The following PLCH1 variants were observed in gnomAD, a reference collection of about 807,000 sequenced individuals.
PLCH1 encodes phospholipase C eta 1.
A neutral mutation model predicts 126.7 loss-of-function variants in PLCH1; 60 were observed. The observed-to-expected ratio is 0.47, with a 90% CI of 0.38 to 0.59. The LOEUF is 0.59. Among genes scored for constraint, PLCH1 ranks in the 20% least tolerant of loss-of-function variants. The pLI is 0.00. For missense variants in PLCH1, 1,723 were observed against 2,040.0 expected, an observed-to-expected ratio of 0.84 and a Z score of 2.99; for synonymous variants, 719 against 734.9, an observed-to-expected ratio of 0.98 and a Z score of 0.35.
At chr3:155,689,489 G>T (rs1242185786) in intron 2 of PLCH1, among the ~76,000 whole-genome samples, 1 of 152,116 alleles carries the variant, frequency 6.6e-6, no homozygotes, top group Non-Finnish European at 1.5e-5. Flanking sequence ...TTCACATAGA[G>T]AATTCAAAAT....
At chr3:155,600,602 T>TAAAA (rs5853725) in intron 2 of PLCH1, among the ~76,000 whole-genome samples, 43 of 128,246 alleles carry the variant, frequency 3.4e-4, no homozygotes, top group African/African-American at 1.3e-3. Flanking sequence ...TTAAGATAGC[T>TAAAA]AAAAAAAAAA....
At chr3:155,709,360 T>A (rs567948995) in intron 1 of PLCH1, among the ~76,000 whole-genome samples, 1 of 152,242 alleles carries the variant, frequency 6.6e-6, no homozygotes, top group African/African-American at 2.4e-5. Context: ...AGCCAAGCTA[T>A]CTTCTAAAGT....
chr3:155,586,135 T>C lies in PLCH1; in HGVS notation c.530A>G (p.Glu177Gly). The change falls in exon 5 of 23, where the codon GAA (glutamate) becomes GGA (glycine). Residue 177 changes from glutamate to glycine, a missense_variant. This residue lies in a region of PLCH1 where 776 missense variants were observed against 1,062.9 expected (regional missense o/e 0.73). Coordinates refer to ENST00000460012, the MANE Select transcript of PLCH1 (RefSeq NM_014996.4). ...DKNGDGLLNI[E>G]EIHQLMHKLN... ...TTTATGCATCAGCTGATGTATCTCT[T>C]CAATATTCAGCAAGCCGTCACCATT... is the stretch of plus-strand genomic sequence containing the variant. The C allele has an allele frequency of 6.2e-7, 1 of 1,613,586 alleles. No individual in the cohort carries two copies. The highest frequency in any genetic ancestry group is 8.5e-7 in the Non-Finnish European group (1 of 1,179,466).
intron 2 of PLCH1, among the ~76,000 whole-genome samples, chr3:155,688,802 C>T (rs566400489): frequency 1.3e-5 from 2 of 152,324 alleles, no homozygotes; most frequent in South Asian, 2.1e-4. Flanking sequence ...CAGAGAAAGG[C>T]TCCTCTGCCT....
intron 1 of PLCH1, among the ~76,000 whole-genome samples, 169 bp from the exon 2 acceptor site, chr3:155,704,433 T>C (rs1027280888): frequency 1.4e-4 from 22 of 152,146 alleles, no homozygotes; most frequent in Non-Finnish European, 2.6e-4. Flanking sequence ...TTCTCACAAG[T>C]CTTCCCAGGG....
At chr3:155,724,810 G>GTT (rs1553764572) in intron 1 of PLCH1, among the ~76,000 whole-genome samples, 5 of 115,638 alleles carry the variant, frequency 4.3e-5, no homozygotes, top group South Asian at 6.2e-4. Context: ...ACCTTGGGGG[G>GTT]TTTTGTGTGT....
downstream of PLCH1, among the ~76,000 whole-genome samples, chr3:155,479,550 C>T (rs573318487): frequency 1.3e-5 from 2 of 152,056 alleles, no homozygotes; most frequent in Admixed American, 1.3e-4. Flanking sequence ...CACGTAGCTC[C>T]CCCACCCACG....
At chr3:155,610,647 T>C (rs755799523) in intron 2 of PLCH1, among the ~76,000 whole-genome samples, 10 of 152,110 alleles carry the variant, frequency 6.6e-5, no homozygotes, top group Non-Finnish European at 1.2e-4. Flanking sequence ...ATAAAGTCTT[T>C]TTCAAACAAA....
chr3:155,610,364 G>GAAAA (rs569174791), intron 2 of PLCH1, among the ~76,000 whole-genome samples: 1,499 of 39,408 alleles, frequency 0.038, 116 homozygotes, highest in African/African-American at 0.076. Context: ...TGCGTCTGGA[G>GAAAA]AAAAAAAAAA....
chr3:155,736,403 A>G (rs1031358099), intron 1 of PLCH1, among the ~76,000 whole-genome samples: 28 of 152,256 alleles, frequency 1.8e-4, no homozygotes, highest in Non-Finnish European at 1.8e-4. Context: ...TGACATTCAC[A>G]TTCAGACAAG....
chr3:155,558,899 A>G (rs1727185883), intron 8 of PLCH1, among the ~76,000 whole-genome samples: 1 of 152,168 alleles, frequency 6.6e-6, no homozygotes, highest in Non-Finnish European at 1.5e-5. Context: ...CAGGACTGAC[A>G]GATATTGTTA....
chr3:155,461,382 C>T (rs1353466257), intron 21 of PLCH1, among the ~76,000 whole-genome samples: 3 of 152,276 alleles, frequency 2.0e-5, no homozygotes, highest in Non-Finnish European at 4.4e-5. Context: ...CTATGGTCCA[C>T]CATGTAACTG....
At chr3:155,526,208 C>T (rs781286420) in intron 10 of PLCH1, among the ~76,000 whole-genome samples, 1 of 152,068 alleles carries the variant, frequency 6.6e-6, no homozygotes. Context: ...GTATTCACAC[C>T]CTTCTGCAAT....
At chr3:155,617,728 A>G (rs565231972) in intron 2 of PLCH1, among the ~76,000 whole-genome samples, 3 of 152,342 alleles carry the variant, frequency 2.0e-5, no homozygotes, top group African/African-American at 7.2e-5. Context: ...ATTCTTTTAA[A>G]TAGAAACAGA....
At position 155,452,023 on chromosome 3, in the gene PLCH1, C is replaced by A. The variant is rs186516934; in HGVS notation, c.2938+33333G>T. Among the ~76,000 whole-genome samples, 540 of 152,280 alleles carry A rather than the reference C, an allele frequency of 3.5e-3. 5 individuals are homozygous for A. The highest frequency in any genetic ancestry group is 0.012 in the African/African-American group (478 of 41,558). On this transcript the variant is annotated intron_variant, in intron 21 of 21. Transcript: ENST00000494598. The stretch of plus-strand genomic sequence containing the variant: ...CCTCTCTCTCTGTCTCTCTCTCACA[C>A]ACACATACATTCTCTCTCTCTATCT...
chr3:155,471,031 T>C (rs1331563231), intron 21 of PLCH1, among the ~76,000 whole-genome samples: 1 of 148,714 alleles, frequency 6.7e-6, no homozygotes, highest in African/African-American at 2.5e-5. Flanking sequence ...ACGAGCAAAA[T>C]AACCAGCTAA....
At chr3:155,564,448 C>T (rs1463832039) in intron 8 of PLCH1, among the ~76,000 whole-genome samples, 1 of 151,986 alleles carries the variant, frequency 6.6e-6, no homozygotes, top group Admixed American at 6.6e-5. Flanking sequence ...ACCTGTAATC[C>T]CAGCTACTTG....
chr3:155,563,752 C>A (rs1005166680), intron 8 of PLCH1, among the ~76,000 whole-genome samples: 2 of 152,082 alleles, frequency 1.3e-5, no homozygotes, highest in Non-Finnish European at 2.9e-5. Context: ...CCCCTCATTA[C>A]CAAAAACTAA....
Position 155,480,996 on chromosome 3 carries a change from G to C in PLCH1, c.5030C>G (p.Pro1677Arg). 1 of 1,591,002 alleles carries C rather than the reference G, an allele frequency of 6.3e-7. No homozygotes were observed. Among genetic ancestry groups the C allele is most frequent in the South Asian group, 1.1e-5 (1 of 89,860 alleles). The change falls in exon 23 of 23, where the codon CCA becomes CGA. Residue 1677 changes from proline (P) to arginine (R), a missense_variant. By Grantham distance (103) the Pro-to-Arg change is moderately radical. Transcript: ENST00000460012. ...LQTEPSSDDK[P>R]EIYFLLRL ...CAGTCTCAAAAGAAAATAAATTTCT[G>C]GTTTATCATCACTGCTTGGCTCAGT...
Sources: allele counts gnomAD v4.1 joint callset (sites outside exome capture counted in the v4.1 genomes callset), GRCh38; gene constraint gnomAD v4.1.1; regional missense constraint gnomAD v4.1.1; transcripts MANE v1.5; gene names NCBI Gene and HGNC (gene_info 2026-07-23, HGNC 2026-07-21).